The following PCDHGA7 variants were observed in gnomAD, a reference collection of about 807,000 sequenced individuals.
PCDHGA7 encodes protocadherin gamma subfamily A, 7.
A neutral mutation model predicts 58.3 loss-of-function variants in PCDHGA7; 44 were observed. The observed-to-expected ratio is 0.75, with a 90% CI of 0.59 to 0.97. PCDHGA7 has a LOEUF of 0.97. Ranked by LOEUF, PCDHGA7 falls within the 50% of genes least tolerant of loss-of-function variation. The pLI, the probability that PCDHGA7 is intolerant of heterozygous loss-of-function variation, is 0.00. For missense variants in PCDHGA7, 1,266 were observed against 1,188.7 expected (o/e 1.06, Z -0.96); for synonymous variants, 516 against 504.2 (o/e 1.02, Z -0.31).
At chr5:141,404,396 A>C (rs2094523935) in intron 1 of PCDHGA7, 2 of 1,613,816 alleles carry the variant, frequency 1.2e-6, no homozygotes, top group Non-Finnish European at 1.7e-6. Context: ...CCCTGATAGC[A>C]ATGAGAATTC....
chr5:141,451,582 T>C (rs1361047985), intron 1 of PCDHGA7, among the ~76,000 whole-genome samples: 1 of 152,012 alleles, frequency 6.6e-6, no homozygotes, highest in Non-Finnish European at 1.5e-5. Flanking sequence ...TAAACCTAAT[T>C]TTGAAAGTGA....
At position 141,490,753 on chromosome 5, in the gene PCDHGA7, T is replaced by C; in HGVS notation, c.2425-4054T>C. ...TCAGGTTCAGGGAGCCCCAGCCTCC[T>C]CCTTTGTGTATGTCAACCCAGAGGA... On this transcript the variant is annotated intron_variant, in intron 1 of 3. Transcript: ENST00000518325. This position sits in a 1 kb window ranked among gnomAD's most constrained non-coding sequence, Gnocchi z 5.4. 1 of 1,614,184 alleles carries C rather than the reference T, an allele frequency of 6.2e-7. No individual in the cohort carries two copies. The highest frequency in any genetic ancestry group is 8.5e-7 in the Non-Finnish European group (1 of 1,180,024).
intron 1 of PCDHGA7, chr5:141,408,935 G>C (rs773802276): frequency 6.2e-7 from 1 of 1,613,472 alleles, no homozygotes; most frequent in Non-Finnish European, 8.5e-7. Context: ...TTTCAGCAGA[G>C]ACGAATATAG....
In PCDHGA7 at chr5:141,489,423, C is replaced by A. The variant is rs754178145; in HGVS notation, c.2425-5384C>A. 7.4e-6 allele frequency: 12 copies of A among 1,613,982 alleles called. No homozygotes were observed. Among genetic ancestry groups the A allele is most frequent in the Non-Finnish European group, 1.0e-5 (12 of 1,180,044 alleles). On this transcript the variant is annotated intron_variant, in intron 1 of 3. Transcript: ENST00000518325. The surrounding 1 kb of genome is among the most constrained non-coding windows in gnomAD (Gnocchi z 4.5). Reference sequence around the variant, plus strand: ...GCTTAAAGATGACAGATCTGTTGAGCCGGCGGCTGCAATTGGGCTCTGAGG... The same window carrying A: ...GCTTAAAGATGACAGATCTGTTGAGACGGCGGCTGCAATTGGGCTCTGAGG...
intron 1 of PCDHGA7, chr5:141,478,852 A>G (rs2099480601): frequency 7.3e-7 from 1 of 1,367,502 alleles, no homozygotes; most frequent in African/African-American, 1.5e-5. Flanking sequence ...GCTAAAACAC[A>G]AGATCTCAGC....
In PCDHGA7 at chr5:141,389,513, C is replaced by A. The variant is rs749432491; in HGVS notation, c.2424+4190C>A. 2.5e-6 allele frequency: 4 copies of A among 1,613,038 alleles called. No homozygotes were observed. The Admixed American group carries it at 5.0e-5, about 20-fold the overall frequency. On this transcript the variant is annotated intron_variant, in intron 1 of 3. Coordinates refer to ENST00000518325, the MANE Select transcript of PCDHGA7 (RefSeq NM_018920.4). ...AGGGCTCGCCAGCGCTCAGCGCGAACGTGAGCCTGCGCGTGTTAGTGGACG... is the reference window on the plus strand; with the variant it reads ...AGGGCTCGCCAGCGCTCAGCGCGAAAGTGAGCCTGCGCGTGTTAGTGGACG...
At chr5:141,508,879 G>A (rs2547559) in intron 3 of PCDHGA7, among the ~76,000 whole-genome samples, 2 of 152,070 alleles carry the variant, frequency 1.3e-5, no homozygotes, top group East Asian at 3.9e-4. Context: ...AGAGGCTGAC[G>A]GCTGGAGGGG....
chr5:141,447,181 G>T (rs442221), intron 1 of PCDHGA7, among the ~76,000 whole-genome samples: 1 of 152,338 alleles, frequency 6.6e-6, no homozygotes, highest in Admixed American at 6.5e-5. Context: ...CTCTTGTCGC[G>T]CAGGCTGGAG....
chr5:141,473,776 T>C (rs1026169931), intron 1 of PCDHGA7, among the ~76,000 whole-genome samples: 1 of 152,214 alleles, frequency 6.6e-6, no homozygotes, highest in Non-Finnish European at 1.5e-5. Context: ...TTTGGTATTT[T>C]AATTCAAGAG....
intron 2 of PCDHGA7, among the ~76,000 whole-genome samples, chr5:141,502,170 G>A (rs1165631931): frequency 6.6e-6 from 1 of 152,128 alleles, no homozygotes; most frequent in Admixed American, 6.5e-5. Context: ...TTCAGTTGAG[G>A]AATTTAACAT....
intron 1 of PCDHGA7, chr5:141,430,922 G>A: frequency 1.2e-6 from 2 of 1,607,168 alleles, no homozygotes; most frequent in South Asian, 2.2e-5. Context: ...CCTGGGGCTG[G>A]AGCCCCGGGA....
chr5:141,417,704 A>G, intron 1 of PCDHGA7: 2 of 1,207,460 alleles, frequency 1.7e-6, no homozygotes, highest in Non-Finnish European at 1.1e-6. Context: ...GCTCCCACAC[A>G]GAGGCTCCCG....
In PCDHGA7 at chr5:141,477,041, C is replaced by A; in HGVS notation, c.2425-17766C>A. 3 of 1,614,242 alleles carry A rather than the reference C, an allele frequency of 1.9e-6. No individual in the cohort carries two copies. Among genetic ancestry groups the A allele is most frequent in the Admixed American group, 1.7e-5 (1 of 60,036 alleles). Reference sequence around the variant, plus strand: ...AACCGGGATGCTGACAATCAAGGGTCGGCTGGACTTCGAGGACACCAAACT... The same window carrying A: ...AACCGGGATGCTGACAATCAAGGGTAGGCTGGACTTCGAGGACACCAAACT... On this transcript the variant is annotated intron_variant, in intron 1 of 3. Transcript: ENST00000518325. The surrounding 1 kb of genome is among the most constrained non-coding windows in gnomAD (Gnocchi z 4.9).
Position 141,489,363 on chromosome 5 carries a change from G to A in PCDHGA7, c.2425-5444G>A, listed in dbSNP as rs767837736. On this transcript the variant is annotated intron_variant, in intron 1 of 3. Transcript: ENST00000518325. This position sits in a 1 kb window ranked among gnomAD's most constrained non-coding sequence, Gnocchi z 4.5. ...ACTCAGTGGTGGAGGAGTCTGAGCC[G>A]GGGACGCTGGTGGGGAATGTTGCTC... 46 of 1,613,114 alleles carry A rather than the reference G, an allele frequency of 2.9e-5. 1 individual carries two copies. In the South Asian group the frequency reaches 3.4e-4, roughly 12 times the overall value.
intron 1 of PCDHGA7, chr5:141,405,534 C>T: frequency 3.1e-6 from 2 of 648,486 alleles, no homozygotes; most frequent in Non-Finnish European, 5.3e-6. Flanking sequence ...ATTCTCCTGC[C>T]TCAGCCTCCC....
At chr5:141,422,459 T>C (rs1368153179) in intron 1 of PCDHGA7, 1 of 1,613,448 alleles carries the variant, frequency 6.2e-7, no homozygotes, top group South Asian at 1.1e-5. Context: ...AGCAGAGTGC[T>C]GGACAGGGAG....
At chr5:141,421,474 G>A (rs1320526226) in intron 1 of PCDHGA7, 2 of 1,614,014 alleles carry the variant, frequency 1.2e-6, no homozygotes, top group Non-Finnish European at 1.7e-6. Flanking sequence ...TCCGCGAAGC[G>A]GCAGCTTGAT....
rs1386791249 is a variant in PCDHGA7 at position 141,511,417 on chromosome 5, G to A, written c.*244G>A. 1.2e-6 allele frequency: 1 copy of A among 835,942 alleles called. No homozygotes were observed. Among genetic ancestry groups the A allele is most frequent in the African/African-American group, 1.7e-5 (1 of 58,154 alleles). The allele number at this position is 835,942 out of a possible 1,614,324, so 51.8% of individuals were successfully genotyped here. A position where few individuals can be genotyped will look rare whatever the true frequency, so the allele number is the denominator to read the frequency against. The stretch of plus-strand genomic sequence containing the variant: ...CCATCCAATCAACTGCTGTACCCAT[G>A]GGGGTAGTGGGGTTACTGTAGACAC... On this transcript the variant is annotated 3_prime_UTR_variant, in exon 4 of 4. Transcript: ENST00000518325.
At chr5:141,389,514 G>C (rs1030106901) in intron 1 of PCDHGA7, 2 of 1,613,132 alleles carry the variant, frequency 1.2e-6, no homozygotes, top group Non-Finnish European at 1.7e-6. Flanking sequence ...CAGCGCGAAC[G>C]TGAGCCTGCG....
Sources: allele counts gnomAD v4.1 joint callset (sites outside exome capture counted in the v4.1 genomes callset), GRCh38; gene constraint gnomAD v4.1.1; non-coding constraint Gnocchi (gnomAD v3.1); transcripts MANE v1.5; gene names NCBI Gene and HGNC (gene_info 2026-07-23, HGNC 2026-07-21).